The following AGBL1 variants were observed in gnomAD, a reference collection of about 807,000 sequenced individuals.
AGBL1 encodes the protein AGBL carboxypeptidase 1.
In AGBL1, 130 loss-of-function variants were observed where a neutral mutation model predicts 118.9. The observed-to-expected ratio is 1.09, with a 90% CI of 0.95 to 1.26. AGBL1 has a LOEUF of 1.26. AGBL1 is among the 50% of genes most tolerant of loss of function. The pLI is 0.00. For missense variants in AGBL1, 1,584 were observed against 1,298.1 expected (o/e 1.22, Z -3.38); for synonymous variants, 555 against 478.9 (o/e 1.16, Z -2.08).
At chr15:86,335,269 G>T (rs2080346693) in intron 17 of AGBL1, among the ~76,000 whole-genome samples, 2 of 152,052 alleles carry the variant, frequency 1.3e-5, no homozygotes, top group Non-Finnish European at 2.9e-5. Flanking sequence ...CTCCCGAGTA[G>T]CTGGGACTAC....
At chr15:86,257,683 A>G (rs144494233) in intron 8 of AGBL1, among the ~76,000 whole-genome samples, 1 of 152,330 alleles carries the variant, frequency 6.6e-6, no homozygotes, top group East Asian at 1.9e-4. Flanking sequence ...CTTTCATGGG[A>G]GAATCCAGAG....
intron 18 of AGBL1, among the ~76,000 whole-genome samples, chr15:86,498,544 G>C (rs1041287922): frequency 7.9e-5 from 12 of 151,972 alleles, no homozygotes; most frequent in African/African-American, 2.9e-4. Context: ...TGATTACTGG[G>C]CTTAGAAAAT....
intron 18 of AGBL1, among the ~76,000 whole-genome samples, chr15:86,463,956 GT>G (rs1222437442): frequency 6.6e-6 from 1 of 152,076 alleles, no homozygotes; most frequent in Non-Finnish European, 1.5e-5. Context: ...ATTTAAAGTA[GT>G]TTTTTTCTGA....
chr15:86,940,952 T>C (rs1047883966), intron 23 of AGBL1, among the ~76,000 whole-genome samples: 3 of 152,224 alleles, frequency 2.0e-5, no homozygotes, highest in Non-Finnish European at 2.9e-5. Flanking sequence ...TCACTGGAAC[T>C]TATTCCATTT....
chr15:86,576,419 G>A (rs1178709818), intron 21 of AGBL1, among the ~76,000 whole-genome samples: 1 of 152,190 alleles, frequency 6.6e-6, no homozygotes, highest in Non-Finnish European at 1.5e-5. Flanking sequence ...TACAGAAAAT[G>A]GAAGTGAGGT....
At chr15:86,545,891 A>G (rs1002645150) in intron 19 of AGBL1, 111 bp from the exon 20 acceptor site, 1 of 1,323,812 alleles carries the variant, frequency 7.6e-7, no homozygotes, top group African/African-American at 1.5e-5. Flanking sequence ...GAGAAAGTTG[A>G]CATTGTAAAC....
At chr15:86,887,782 G>A (rs1018876916) in intron 22 of AGBL1, among the ~76,000 whole-genome samples, 20 of 151,930 alleles carry the variant, frequency 1.3e-4, no homozygotes, top group African/African-American at 4.4e-4. Flanking sequence ...AATGTCAAAG[G>A]ACTTCGACAA....
Position 86,434,944 on chromosome 15 carries a change from G to A in AGBL1, c.2555+37398G>A, listed in dbSNP as rs537953555. On this transcript the variant is annotated intron_variant, in intron 18 of 22. Coordinates refer to ENST00000614907, the MANE Select transcript of AGBL1 (RefSeq NM_001386094.1). ...CTGAAGTTGTTTTGCTCACATAGCC[G>A]CAGCAATTACTAAAGCTTACAAATT... Among the ~76,000 whole-genome samples the A allele has an allele frequency of 1.2e-3, 187 of 152,280 alleles. 1 individual carries two copies. The highest frequency in any genetic ancestry group is 4.4e-3 in the African/African-American group (182 of 41,566).
intron 21 of AGBL1, among the ~76,000 whole-genome samples, chr15:86,591,466 G>A (rs1408728778): frequency 5.3e-5 from 8 of 152,108 alleles, no homozygotes. Context: ...CTGACCCACT[G>A]GCTTGAAGTT....
intron 21 of AGBL1, among the ~76,000 whole-genome samples, chr15:86,584,192 G>A (rs996623296): frequency 8.6e-5 from 13 of 151,976 alleles, no homozygotes; most frequent in African/African-American, 2.9e-4. Flanking sequence ...AGTTTAATTA[G>A]GTCCCATTTG....
At chr15:86,689,648 C>T (rs1268450094) in intron 22 of AGBL1, among the ~76,000 whole-genome samples, 1 of 151,772 alleles carries the variant, frequency 6.6e-6, no homozygotes, top group African/African-American at 2.4e-5. Flanking sequence ...GGATTTACAC[C>T]CATGGCATTA....
At chr15:86,269,447 T>A (rs1165244189) in intron 13 of AGBL1, among the ~76,000 whole-genome samples, 1 of 152,208 alleles carries the variant, frequency 6.6e-6, no homozygotes, top group Admixed American at 6.5e-5. Flanking sequence ...GCATTTTTTC[T>A]AGCTAGATAA....
chr15:86,468,567 G>T (rs1010458573), intron 18 of AGBL1, among the ~76,000 whole-genome samples: 3 of 152,164 alleles, frequency 2.0e-5, no homozygotes, highest in Non-Finnish European at 4.4e-5. Context: ...GGAGAGAATT[G>T]TTTGATGTGT....
chr15:86,880,955 T>G (rs1175750828), intron 22 of AGBL1, among the ~76,000 whole-genome samples: 2 of 151,874 alleles, frequency 1.3e-5, no homozygotes, highest in South Asian at 2.1e-4. Flanking sequence ...GGAGGGGGCG[T>G]CTGTGTGTTC....
chr15:86,937,778 A>G (rs912955203), intron 23 of AGBL1, among the ~76,000 whole-genome samples: 1 of 152,214 alleles, frequency 6.6e-6, no homozygotes, highest in Admixed American at 6.5e-5. Flanking sequence ...GCAAACTTTC[A>G]CATGTACCTC....
intron 22 of AGBL1, among the ~76,000 whole-genome samples, chr15:86,767,314 G>A (rs897524653): frequency 1.3e-5 from 2 of 151,916 alleles, no homozygotes; most frequent in African/African-American, 4.8e-5. Flanking sequence ...AGACGAATGG[G>A]CCTTTGTCTG....
intron 1 of AGBL1, among the ~76,000 whole-genome samples, chr15:86,119,805 CA>C (rs1192832680): frequency 6.6e-6 from 1 of 152,082 alleles, no homozygotes; most frequent in Non-Finnish European, 1.5e-5. Context: ...TAGTTTGCCA[CA>C]CATCACTTTT....
In AGBL1 at chr15:86,126,054, G is replaced by T. The variant is rs78554347; in HGVS notation, c.52-15950G>T. Reference sequence around the variant, plus strand: ...GCTTTTAATAGACTATTTTCTTCTCGGTGTCCTGTTGTAATCTTTGATCGT... The same window carrying T: ...GCTTTTAATAGACTATTTTCTTCTCTGTGTCCTGTTGTAATCTTTGATCGT... On this transcript the variant is annotated intron_variant, in intron 1 of 22. Transcript: ENST00000614907. Among the ~76,000 whole-genome samples, 206 of 152,018 alleles carry T rather than the reference G, an allele frequency of 1.4e-3. 1 individual carries two copies. Among genetic ancestry groups the T allele is most frequent in the African/African-American group, 4.7e-3 (194 of 41,464 alleles).
intron 22 of AGBL1, among the ~76,000 whole-genome samples, chr15:86,794,959 G>A (rs1177975753): frequency 6.6e-6 from 1 of 152,138 alleles, no homozygotes; most frequent in Admixed American, 6.5e-5. Flanking sequence ...AGGCCACCCG[G>A]GGGGACCAGC....
Sources: gnomAD v4.1 joint callset for allele counts (sites outside exome capture counted in the v4.1 genomes callset) on GRCh38, gnomAD v4.1.1 for gene constraint, MANE v1.5 for transcripts, NCBI Gene and HGNC (gene_info 2026-07-23, HGNC 2026-07-21) for gene names.